Variants in KHDRBS3 observed in about 807,000 individuals in gnomAD.
KHDRBS3 encodes KH RNA binding domain containing, signal transduction associated 3.
A neutral mutation model predicts 45.6 loss-of-function variants in KHDRBS3; 23 were observed. The ratio of observed to expected loss-of-function variants is 0.50; its 90% CI spans 0.36 to 0.72. KHDRBS3 has a LOEUF of 0.72. Among genes scored for constraint, KHDRBS3 ranks in the 30% least tolerant of loss-of-function variants. KHDRBS3 has a pLI of 0.00. For synonymous variants in KHDRBS3, 162 were observed against 156.5 expected (o/e 1.04, Z -0.26); for missense variants, 352 against 424.8 (o/e 0.83, Z 1.51).
At chr8:135,502,764 C>G (rs1401352007) in intron 1 of KHDRBS3, among the ~76,000 whole-genome samples, 1 of 152,164 alleles carries the variant, frequency 6.6e-6, no homozygotes, top group East Asian at 1.9e-4. Flanking sequence ...GTTGTAAGCA[C>G]TCGGTAAATT....
chr8:135,520,831 T>C (rs1004622160), intron 1 of KHDRBS3, among the ~76,000 whole-genome samples: 1 of 152,218 alleles, frequency 6.6e-6, no homozygotes, highest in African/African-American at 2.4e-5. Flanking sequence ...AGTTCTTGGT[T>C]GTAGAAGCCT....
At chr8:135,560,626 T>G (rs1382439542) in intron 5 of KHDRBS3, among the ~76,000 whole-genome samples, 2 of 152,184 alleles carry the variant, frequency 1.3e-5, no homozygotes, top group East Asian at 3.8e-4. Context: ...AGAAGTAGTT[T>G]TTTTGTTTAT....
chr8:135,540,963 C>T (rs1473012538), intron 2 of KHDRBS3: 1 of 152,178 alleles, frequency 6.6e-6, no homozygotes, highest in East Asian at 1.9e-4. Context: ...GAAGCAGATA[C>T]TTTAAACTCC....
intron 7 of KHDRBS3, among the ~76,000 whole-genome samples, chr8:135,643,082 C>T (rs757684555): frequency 6.6e-6 from 1 of 152,054 alleles, no homozygotes; most frequent in Non-Finnish European, 1.5e-5. Context: ...CATGAGCCAC[C>T]GCGCCTGGCC....
At chr8:135,505,579 A>T (rs1458801175) in intron 1 of KHDRBS3, among the ~76,000 whole-genome samples, 1 of 152,234 alleles carries the variant, frequency 6.6e-6, no homozygotes, top group East Asian at 1.9e-4. Context: ...TTGGTTAGAC[A>T]GGTGCTGGTT....
At chr8:135,550,746 AT>A (rs1244474513) in intron 4 of KHDRBS3, among the ~76,000 whole-genome samples, 2 of 151,958 alleles carry the variant, frequency 1.3e-5, no homozygotes, top group Non-Finnish European at 2.9e-5. Flanking sequence ...CAGCTTCTTA[AT>A]TTCTATTAAA....
At chr8:135,544,472 G>T (rs950470845) in intron 3 of KHDRBS3, among the ~76,000 whole-genome samples, 1 of 152,150 alleles carries the variant, frequency 6.6e-6, no homozygotes, top group Non-Finnish European at 1.5e-5. Flanking sequence ...TCATATCAAG[G>T]CTGTCTGCTG....
intron 1 of KHDRBS3, among the ~76,000 whole-genome samples, chr8:135,499,791 A>C (rs1416790991): frequency 6.6e-6 from 1 of 152,120 alleles, no homozygotes; most frequent in Non-Finnish European, 1.5e-5. Context: ...TTTTTGATCA[A>C]AGAGACTTTT....
At chr8:135,530,170 A>G (rs1170133016) in intron 2 of KHDRBS3, among the ~76,000 whole-genome samples, 1 of 152,166 alleles carries the variant, frequency 6.6e-6, no homozygotes, top group Non-Finnish European at 1.5e-5. Flanking sequence ...CTCTATGTCT[A>G]TTGCTGAACC....
At chr8:135,471,463 C>T (rs1822010303) in intron 1 of KHDRBS3, among the ~76,000 whole-genome samples, 2 of 152,210 alleles carry the variant, frequency 1.3e-5, no homozygotes, top group Non-Finnish European at 2.9e-5. Flanking sequence ...GGATGCAGAG[C>T]AAGCTAATAC....
intron 2 of KHDRBS3, among the ~76,000 whole-genome samples, chr8:135,536,966 C>CAAAAAAAAAAAAAA (rs869256475): frequency 8.5e-5 from 1 of 11,776 alleles, no homozygotes; most frequent in African/African-American, 4.2e-4. Context: ...AACTCCATCT[C>CAAAAAAAAAAAAAA]AAAAAAAAAA....
chr8:135,512,415 G>T (rs1824333907), intron 1 of KHDRBS3, among the ~76,000 whole-genome samples: 1 of 106,932 alleles, frequency 9.4e-6, no homozygotes, highest in African/African-American at 4.0e-5. Flanking sequence ...AAGAGTTAAG[G>T]TGTTTGGAAA....
chr8:135,580,830 C>A (rs889591155), intron 5 of KHDRBS3, among the ~76,000 whole-genome samples: 1 of 152,110 alleles, frequency 6.6e-6, no homozygotes, highest in Non-Finnish European at 1.5e-5. Flanking sequence ...CCAGGCTGGT[C>A]TTGAACTCTT....
chr8:135,534,962 C>T (rs923634670), intron 2 of KHDRBS3, among the ~76,000 whole-genome samples: 3 of 152,092 alleles, frequency 2.0e-5, no homozygotes, highest in East Asian at 1.9e-4. Context: ...CTGAGGTCCC[C>T]GCTGACAGCC....
chr8:135,542,176 T>C (rs1826076943), intron 2 of KHDRBS3: 1 of 152,458 alleles, frequency 6.6e-6, no homozygotes, highest in Non-Finnish European at 1.5e-5. Context: ...CACCGAATGC[T>C]TAAGAACTCA....
chr8:135,639,069 A>G (rs1184670071), intron 7 of KHDRBS3, among the ~76,000 whole-genome samples: 1 of 152,152 alleles, frequency 6.6e-6, no homozygotes, highest in Non-Finnish European at 1.5e-5. Context: ...GAAGAGGTGT[A>G]GTAATCAGCC....
intron 6 of KHDRBS3, among the ~76,000 whole-genome samples, chr8:135,595,930 A>T (rs1006946314): frequency 2.6e-5 from 4 of 152,196 alleles, no homozygotes; most frequent in Non-Finnish European, 2.9e-5. Context: ...GTCAGCTTCC[A>T]GACTCTTGCT....
intron 6 of KHDRBS3, among the ~76,000 whole-genome samples, chr8:135,605,064 TTCTG>T (rs1434936210): frequency 1.3e-5 from 2 of 152,060 alleles, no homozygotes; most frequent in Admixed American, 1.3e-4. Flanking sequence ...ACTTTCAAGA[TTCTG>T]TCTTTGTCTT....
intron 1 of KHDRBS3, among the ~76,000 whole-genome samples, chr8:135,470,979 T>C (rs1443570377): frequency 1.3e-5 from 2 of 152,196 alleles, no homozygotes; most frequent in Non-Finnish European, 2.9e-5. Flanking sequence ...AAAATGGTCA[T>C]GAGAGAATCT....
Sources: allele counts gnomAD v4.1 joint callset (sites outside exome capture counted in the v4.1 genomes callset), GRCh38; gene constraint gnomAD v4.1.1; transcripts MANE v1.5; gene names NCBI Gene and HGNC (gene_info 2026-07-23, HGNC 2026-07-21).